The following TTK variants were observed in gnomAD, a reference collection of about 807,000 sequenced individuals.
TTK encodes dual specificity protein kinase TTK.
TTK carries 59 observed loss-of-function variants against 117.3 expected under a neutral mutation model. The observed-to-expected ratio is 0.50, with a 90% CI of 0.41 to 0.62. The LOEUF (loss-of-function observed/expected upper bound fraction) is 0.62. TTK is among the 20% of genes least tolerant of loss of function. TTK has a pLI of 0.00. For synonymous variants in TTK, 302 were observed against 325.0 expected, an observed-to-expected ratio of 0.93 and a Z score of 0.76; for missense variants, 921 against 989.4, an observed-to-expected ratio of 0.93 and a Z score of 0.93.
chr6:80,029,968 A>G (rs1767709529), intron 13 of TTK, among the ~76,000 whole-genome samples: 2 of 152,220 alleles, frequency 1.3e-5, no homozygotes, highest in Admixed American at 1.3e-4. Flanking sequence ...AGAAGGCACA[A>G]AAGGAGGAGT....
chr6:80,014,694 T>C, intron 10 of TTK, 108 bp downstream of exon 10: 1 of 1,169,786 alleles, frequency 8.5e-7, no homozygotes, highest in Non-Finnish European at 1.2e-6. Context: ...ACTGTGTCTA[T>C]GTTCTTTTAT....
chr6:80,022,227 TAA>T (rs1271357397), intron 10 of TTK, 95 bp from the exon 11 acceptor site: 20 of 1,283,700 alleles, frequency 1.6e-5, no homozygotes, highest in Non-Finnish European at 2.0e-5. Context: ...TTTTAAGAAC[TAA>T]ATACTCATAT....
chr6:80,006,169 G>A (rs905887689), intron 2 of TTK, 187 bp downstream of exon 2: 4 of 684,344 alleles, frequency 5.8e-6, no homozygotes, highest in Non-Finnish European at 1.0e-5. Flanking sequence ...ATGGTGTCTG[G>A]CACATGGTAG....
rs199764540 is a variant in TTK at position 80,038,035 on chromosome 6, A to C, written c.2118A>C (p.Lys706Asn). ...TGTCTTCCTCCAGAGAGAATGGGAA[A>C]TCTAAGTCAAAGGTACTGAAAAGAT... ...KDMSSSRENG[K>N]SKSKISPKSD... Residue 706 changes from lysine (K) to asparagine (N), a missense_variant, in exon 18 of 22, where the codon AAA (lysine) becomes AAC (asparagine). By Grantham distance (94) the Lys-to-Asn change is moderately conservative (BLOSUM62 0). Coordinates refer to ENST00000369798, the MANE Select transcript of TTK (RefSeq NM_003318.5). 2 of 1,607,706 alleles carry C rather than the reference A, an allele frequency of 1.2e-6. No individual in the cohort carries two copies. Among genetic ancestry groups the C allele is most frequent in the African/African-American group, 1.3e-5 (1 of 74,806 alleles).
chr6:80,036,393 A>G, intron 16 of TTK, 82 bp from the exon 17 acceptor site: 1 of 1,472,642 alleles, frequency 6.8e-7, no homozygotes, highest in Admixed American at 2.4e-5. Flanking sequence ...GAATAAATAC[A>G]GCTTGACCTG....
chr6:80,012,876 A>C (rs1228131960), intron 8 of TTK, among the ~76,000 whole-genome samples: 6 of 152,102 alleles, frequency 3.9e-5, no homozygotes, highest in Non-Finnish European at 8.8e-5. Context: ...AACTGCAGCC[A>C]TTTTCTTGGT....
chr6:80,040,144 C>T lies in TTK; in HGVS notation c.2308-52C>T. 5 of 1,357,846 alleles carry T rather than the reference C, an allele frequency of 3.7e-6. No individual in the cohort carries two copies. The South Asian group carries it at 7.8e-5, about 21-fold the overall frequency. The allele number at this position is 1,357,846 out of a possible 1,614,324, so 84.1% of individuals were successfully genotyped here. ...ATCTGGAAAAATACTTTATCAATAT[C>T]ATATATGAAAACCTGCTTTGTTTTT... On this transcript the variant is annotated intron_variant, in intron 19 of 21. Coordinates refer to ENST00000369798, the MANE Select transcript of TTK (RefSeq NM_003318.5).
At chr6:80,040,343 T>A in intron 20 of TTK, 63 bp downstream of exon 20, 1 of 1,333,524 alleles carries the variant, frequency 7.5e-7, no homozygotes, top group Non-Finnish European at 1.0e-6. Context: ...TGTTACCTAT[T>A]AATATAACAA....
At chr6:80,026,352 T>C in intron 11 of TTK, 26 bp from the exon 12 acceptor site, 1 of 1,592,164 alleles carries the variant, frequency 6.3e-7, no homozygotes, top group Non-Finnish European at 8.5e-7. Context: ...AAAAACTAAA[T>C]CATGGTGTTC....
At chr6:80,006,794 A>C (rs1767005631) in intron 2 of TTK, among the ~76,000 whole-genome samples, 2 of 152,180 alleles carry the variant, frequency 1.3e-5, no homozygotes, top group African/African-American at 4.8e-5. Flanking sequence ...AGGAGGTAAA[A>C]ATAGAAAATT....
rs1228401098 is a variant in TTK at position 80,039,822 on chromosome 6, G to A, written c.2257G>A (p.Glu753Lys). 6.3e-7 allele frequency: 1 copy of A among 1,587,176 alleles called. No individual in the cohort carries two copies. Among genetic ancestry groups the A allele is most frequent in the Non-Finnish European group, 8.6e-7 (1 of 1,168,804 alleles). Residue 753 changes from glutamate to lysine, a missense_variant, in exon 19 of 22, where the codon GAA (glutamate) becomes AAA (lysine). Glu to Lys is a moderately conservative substitution (Grantham distance 56). Transcript: ENST00000369798. The part of the protein sequence containing the change: ...KLHAIIDPNH[E>K]IEFPDIPEKD... ...ACATGCCATAATTGATCCTAATCAT[G>A]AAATTGAATTTCCCGATATTCCAGA...
chr6:80,040,646 T>G lies in TTK; in HGVS notation c.2433T>G (p.Tyr811Ter). Residue 811 changes from tyrosine to a stop codon, truncating the protein, a stop_gained, in exon 21 of 22, where the codon TAT becomes TAG. Coordinates refer to ENST00000369798, the MANE Select transcript of TTK (RefSeq NM_003318.5). LOFTEE classifies it high-confidence loss of function. ...AGGGAACCACTGAAGAAATGAAATA[T>G]GTTCTGGGCCAACTTGTTGGTCTGA... ...MAKGTTEEMK[Y>*]VLGQLVGLNS... 1.2e-6 allele frequency: 2 copies of G among 1,611,990 alleles called. No homozygotes were observed. Among genetic ancestry groups the G allele is most frequent in the Non-Finnish European group, 1.7e-6 (2 of 1,178,606 alleles).
In TTK at chr6:80,011,645, G is replaced by T. The variant is rs201003992; in HGVS notation, c.729-84G>T. The T allele has an allele frequency of 2.6e-6, 4 of 1,547,048 alleles. No homozygotes were observed. The East Asian group carries it at 9.1e-5, about 35-fold the overall frequency. On this transcript the variant is annotated intron_variant, in intron 6 of 21. Transcript: ENST00000369798. ...CATGTATCTGCATATATGTTTTCATGTGTGTGATAATGTTTAGCAGTAGAG... is the reference window on the plus strand; with the variant it reads ...CATGTATCTGCATATATGTTTTCATTTGTGTGATAATGTTTAGCAGTAGAG...
intron 20 of TTK, 124 bp downstream of exon 20, chr6:80,040,404 G>T: frequency 1.1e-6 from 1 of 947,978 alleles, no homozygotes; most frequent in Non-Finnish European, 1.5e-6. Flanking sequence ...TTTCCTTAAG[G>T]AAGTTCCATT....
At chr6:80,018,295 T>C (rs899956261) in intron 10 of TTK, among the ~76,000 whole-genome samples, 1 of 152,118 alleles carries the variant, frequency 6.6e-6, no homozygotes, top group East Asian at 1.9e-4. Flanking sequence ...TTTTTTGGAT[T>C]TTTACAGGTA....
At chr6:80,005,100 C>T (rs1292337796) in intron 1 of TTK, among the ~76,000 whole-genome samples, 1 of 152,134 alleles carries the variant, frequency 6.6e-6, no homozygotes, top group African/African-American at 2.4e-5. Flanking sequence ...TGGAGTGATA[C>T]CTTGCTGCAA....
At position 80,008,013 on chromosome 6, in the gene TTK, G is replaced by A; in HGVS notation, c.344G>A (p.Arg115Lys). Residue 115 changes from arginine to lysine, a missense_variant, in exon 3 of 22, where the codon AGA (arginine) becomes AAA (lysine). By Grantham distance (26) the Arg-to-Lys change is conservative (BLOSUM62 2). Transcript: ENST00000369798. Reference sequence around the variant, plus strand: ...GAGAGTTTTGCTAGAATTCAAGTGAGATTTGCTGAATTAAAAGCGTAAGTA... The same window carrying A: ...GAGAGTTTTGCTAGAATTCAAGTGAAATTTGCTGAATTAAAAGCGTAAGTA... The part of the protein sequence containing the change: ...QNESFARIQV[R>K]FAELKAIQEP... 1 of 1,613,266 alleles carries A rather than the reference G, an allele frequency of 6.2e-7. No individual in the cohort carries two copies. Among genetic ancestry groups the A allele is most frequent in the Non-Finnish European group, 8.5e-7 (1 of 1,179,502 alleles).
intron 1 of TTK, among the ~76,000 whole-genome samples, chr6:80,005,184 G>C (rs1269560656): frequency 6.6e-6 from 1 of 151,924 alleles, no homozygotes; most frequent in Non-Finnish European, 1.5e-5. Context: ...GTTGGTGTTT[G>C]AGAGTCACAA....
chr6:80,029,016 A>C (rs1180522378), intron 13 of TTK, among the ~76,000 whole-genome samples: 1 of 152,228 alleles, frequency 6.6e-6, no homozygotes, highest in Non-Finnish European at 1.5e-5. Flanking sequence ...ATATAGACGT[A>C]ACTCCTAATA....
Sources: gnomAD v4.1 joint callset for allele counts (sites outside exome capture counted in the v4.1 genomes callset) on GRCh38, gnomAD v4.1.1 for gene constraint, MANE v1.5 for transcripts, NCBI Gene and HGNC (gene_info 2026-07-23, HGNC 2026-07-21) for gene names.